Variants in GALNT7 observed in about 807,000 individuals in gnomAD.
The protein encoded by GALNT7 is polypeptide N-acetylgalactosaminyltransferase 7.
Under a neutral mutation model 82.1 loss-of-function variants are expected in GALNT7, and 60 were observed. That is an observed-to-expected ratio of 0.73 (90% CI 0.59 to 0.91). The LOEUF (loss-of-function observed/expected upper bound fraction) is 0.91. Ranked by LOEUF, GALNT7 falls within the 40% of genes least tolerant of loss-of-function variation. GALNT7 has a pLI of 0.00. For missense variants in GALNT7, 660 were observed against 804.2 expected (o/e 0.82, Z 2.17); for synonymous variants, 243 against 275.1 (o/e 0.88, Z 1.15).
chr4:173,301,650 A>C (rs556098284), intron 6 of GALNT7, among the ~76,000 whole-genome samples: 1 of 152,354 alleles, frequency 6.6e-6, no homozygotes, highest in Non-Finnish European at 1.5e-5. Flanking sequence ...TTGTTCACCC[A>C]AGAATGACTC....
intron 1 of GALNT7, among the ~76,000 whole-genome samples, chr4:173,240,929 G>A (rs1178811298): frequency 6.6e-6 from 1 of 152,146 alleles, no homozygotes; most frequent in Admixed American, 6.6e-5. Context: ...GGCTGTGCAT[G>A]CTTTGCTTCT....
intron 1 of GALNT7, among the ~76,000 whole-genome samples, chr4:173,197,426 T>A (rs1488141208): frequency 6.6e-6 from 1 of 152,166 alleles, no homozygotes; most frequent in African/African-American, 2.4e-5. Context: ...AAAAAGTAAT[T>A]TACTTGTTAA....
At chr4:173,194,526 A>G (rs990526863) in intron 1 of GALNT7, among the ~76,000 whole-genome samples, 2 of 152,370 alleles carry the variant, frequency 1.3e-5, no homozygotes, top group African/African-American at 4.8e-5. Flanking sequence ...AAGTTTACTA[A>G]TAATAAAATG....
chr4:173,301,980 T>A (rs958135344), intron 6 of GALNT7, 67 bp from the exon 7 acceptor site: 5 of 764,080 alleles, frequency 6.5e-6, no homozygotes, highest in Non-Finnish European at 1.2e-5. Flanking sequence ...ACAAGGCTTC[T>A]TGCCTATTGG....
intron 1 of GALNT7, among the ~76,000 whole-genome samples, chr4:173,171,234 A>G (rs1385765605): frequency 6.6e-6 from 1 of 152,248 alleles, no homozygotes; most frequent in Non-Finnish European, 1.5e-5. Context: ...CTTTTAAGGT[A>G]CAGTGCTAGA....
chr4:173,245,170 C>G (rs971281241), intron 1 of GALNT7, among the ~76,000 whole-genome samples: 1 of 148,056 alleles, frequency 6.8e-6, no homozygotes, highest in Non-Finnish European at 1.5e-5. Context: ...TAACAGAACC[C>G]TGAAGAACAC....
intron 5 of GALNT7, among the ~76,000 whole-genome samples, chr4:173,297,248 T>G (rs76574674): frequency 6.4e-4 from 96 of 151,114 alleles, no homozygotes; most frequent in African/African-American, 2.2e-3. Context: ...CTTTTTTTTT[T>G]GTTTGTTTTG....
At chr4:173,268,530 GTTTTTTTTTTTTTTT>G (rs60894562) in intron 2 of GALNT7, among the ~76,000 whole-genome samples, 5 of 52,336 alleles carry the variant, frequency 9.6e-5, no homozygotes, top group African/African-American at 3.8e-4. Flanking sequence ...TTTCTCTCTC[GTTTTTTTTTTTTTTT>G]TTTTTTTTTT....
intron 1 of GALNT7, among the ~76,000 whole-genome samples, chr4:173,178,295 A>G (rs1486147044): frequency 3.3e-5 from 5 of 152,140 alleles, no homozygotes; most frequent in African/African-American, 1.2e-4. Context: ...GAAGGATATT[A>G]AAAAAACAAT....
chr4:173,248,688 C>T (rs1241947338), intron 2 of GALNT7, among the ~76,000 whole-genome samples: 1 of 152,214 alleles, frequency 6.6e-6, no homozygotes, highest in South Asian at 2.1e-4. Flanking sequence ...GGTCCCCAGA[C>T]TGGCACTGGT....
At position 173,302,504 on chromosome 4, in the gene GALNT7, A is replaced by T. The variant is rs143141014; in HGVS notation, c.1266+340A>T. Among the ~76,000 whole-genome samples the T allele has an allele frequency of 6.6e-6, 1 of 152,164 alleles. No individual in the cohort carries two copies. The highest frequency in any genetic ancestry group is 1.9e-4 in the East Asian group (1 of 5,194). On this transcript the variant is annotated intron_variant, in intron 7 of 11. Coordinates refer to ENST00000265000, the MANE Select transcript of GALNT7 (RefSeq NM_017423.3). The surrounding 1 kb of genome is among the most constrained non-coding windows in gnomAD (Gnocchi z 4.2). ...TCTGCATGCGTTAGGGCCACAATTG[A>T]CCACCCACTGACACAGTCACCCTTT...
In GALNT7 at chr4:173,320,514, T is replaced by C. The variant is rs1426342704; in HGVS notation, c.1837-1066T>C. On this transcript the variant is annotated intron_variant, in intron 11 of 11. Coordinates refer to ENST00000265000, the MANE Select transcript of GALNT7 (RefSeq NM_017423.3). This position sits in a 1 kb window ranked among gnomAD's most constrained non-coding sequence, Gnocchi z 4.1. ...TTAATAGAAGAAGACAGCTGGATTCTCATACTCCTGCTTCATTTGGTCTGA... is the reference window on the plus strand; with the variant it reads ...TTAATAGAAGAAGACAGCTGGATTCCCATACTCCTGCTTCATTTGGTCTGA... Among the ~76,000 whole-genome samples, 1 of 152,138 alleles carries C rather than the reference T, an allele frequency of 6.6e-6. No homozygotes were observed. Among genetic ancestry groups the C allele is most frequent in the Non-Finnish European group, 1.5e-5 (1 of 68,012 alleles).
intron 1 of GALNT7, among the ~76,000 whole-genome samples, chr4:173,183,478 A>ATT (rs569998271): frequency 7.5e-5 from 11 of 147,270 alleles, no homozygotes; most frequent in African/African-American, 2.7e-4. Flanking sequence ...CGTGGGCTTA[A>ATT]TTTTTTTTTT....
intron 1 of GALNT7, among the ~76,000 whole-genome samples, chr4:173,216,710 T>TATATATAA (rs1388032267): frequency 1.6e-4 from 3 of 18,796 alleles, no homozygotes; most frequent in South Asian, 3.6e-3. Context: ...ACTATTCATA[T>TATATATAA]ATATATATAT....
chr4:173,196,101 A>G (rs1195997529), intron 1 of GALNT7, among the ~76,000 whole-genome samples: 1 of 151,912 alleles, frequency 6.6e-6, no homozygotes, highest in Non-Finnish European at 1.5e-5. Context: ...TTCATATTTT[A>G]ATACAGAAGG....
chr4:173,244,695 C>T (rs1343908504), intron 1 of GALNT7, among the ~76,000 whole-genome samples: 1 of 152,112 alleles, frequency 6.6e-6, no homozygotes, highest in Non-Finnish European at 1.5e-5. Context: ...CTATTGTAAT[C>T]TTGTTCAGAG....
chr4:173,283,693 G>A (rs1736206167), intron 2 of GALNT7, among the ~76,000 whole-genome samples: 1 of 151,576 alleles, frequency 6.6e-6, no homozygotes, highest in South Asian at 2.1e-4. Flanking sequence ...TAGGAACCCT[G>A]TACAGGGGCT....
chr4:173,277,228 A>T (rs147155555), intron 2 of GALNT7, among the ~76,000 whole-genome samples: 1 of 152,312 alleles, frequency 6.6e-6, no homozygotes, highest in East Asian at 1.9e-4. Flanking sequence ...GGTGCGAGCT[A>T]CTAGTTGAAA....
rs548781856 is a variant in GALNT7 at position 173,210,260 on chromosome 4, A to C, written c.127-37720A>C. Among the ~76,000 whole-genome samples, 25 of 152,280 alleles carry C rather than the reference A, an allele frequency of 1.6e-4. No individual in the cohort carries two copies. The South Asian group carries it at 4.4e-3, about 27-fold the overall frequency. ...TTTCCTGGCGGGAAGGATGCCAAGA[A>C]ACCTATGCTTCGGAGTCTCTGTGGG... is the stretch of plus-strand genomic sequence containing the variant. On this transcript the variant is annotated intron_variant, in intron 1 of 11. Transcript: ENST00000265000.
Sources: allele counts gnomAD v4.1 joint callset (sites outside exome capture counted in the v4.1 genomes callset), GRCh38; gene constraint gnomAD v4.1.1; non-coding constraint Gnocchi (gnomAD v3.1); transcripts MANE v1.5; gene names NCBI Gene and HGNC (gene_info 2026-07-23, HGNC 2026-07-21).